The following TMEM132B variants were observed in gnomAD, a reference collection of about 807,000 sequenced individuals.
The protein encoded by TMEM132B is transmembrane protein 132B.
TMEM132B carries 18 observed loss-of-function variants against 90.8 expected under a neutral mutation model. That is an observed-to-expected ratio of 0.20 (90% CI 0.14 to 0.29). The LOEUF (loss-of-function observed/expected upper bound fraction) is 0.29. TMEM132B is among the 10% of genes least tolerant of loss of function. The pLI is 1.00. For missense variants in TMEM132B, 1,096 were observed against 1,326.8 expected, an observed-to-expected ratio of 0.83 and a Z score of 2.70; for synonymous variants, 504 against 523.3, an observed-to-expected ratio of 0.96 and a Z score of 0.50.
intron 4 of TMEM132B, among the ~76,000 whole-genome samples, chr12:125,531,635 G>A (rs894563180): frequency 7.2e-5 from 11 of 152,214 alleles, no homozygotes; most frequent in African/African-American, 2.7e-4. Flanking sequence ...AGAATAGACT[G>A]AAGGTTTCTG....
At chr12:125,630,730 T>G (rs1886349919) in intron 5 of TMEM132B, among the ~76,000 whole-genome samples, 1 of 152,052 alleles carries the variant, frequency 6.6e-6, no homozygotes, top group African/African-American at 2.4e-5. Flanking sequence ...TCTGCTCCTC[T>G]TCCTCCTCCC....
At chr12:125,256,093 CTGT>C (rs1288006219) in intron 1 of TMEM132B, among the ~76,000 whole-genome samples, 2 of 152,272 alleles carry the variant, frequency 1.3e-5, no homozygotes, top group East Asian at 3.9e-4. Context: ...GTCCTGGCCC[CTGT>C]CATCAAACTC....
intron 5 of TMEM132B, among the ~76,000 whole-genome samples, chr12:125,643,243 T>A (rs1191893211): frequency 6.6e-6 from 1 of 152,200 alleles, no homozygotes; most frequent in Non-Finnish European, 1.5e-5. Flanking sequence ...ACACTGCCCC[T>A]CAGCAGTATG....
At chr12:125,484,612 G>A (rs1331462343) in intron 3 of TMEM132B, among the ~76,000 whole-genome samples, 1 of 152,056 alleles carries the variant, frequency 6.6e-6, no homozygotes, top group African/African-American at 2.4e-5. Flanking sequence ...TGGTCTCTAT[G>A]TTGTTTCTGA....
At chr12:125,215,698 C>T (rs975209862) in intron 1 of TMEM132B, among the ~76,000 whole-genome samples, 2 of 152,182 alleles carry the variant, frequency 1.3e-5, no homozygotes, top group Admixed American at 6.5e-5. Flanking sequence ...TGCGCCACCA[C>T]GCCTAGAGGA....
At chr12:125,196,639 G>A (rs1219108348) in intron 1 of TMEM132B, among the ~76,000 whole-genome samples, 1 of 152,198 alleles carries the variant, frequency 6.6e-6, no homozygotes, top group Non-Finnish European at 1.5e-5. Context: ...AGCCTGGGAG[G>A]CAGAGTTGCA....
intron 1 of TMEM132B, among the ~76,000 whole-genome samples, chr12:125,317,695 C>T (rs964223479): frequency 2.6e-5 from 4 of 152,182 alleles, no homozygotes; most frequent in African/African-American, 7.2e-5. Context: ...GGGCTTTCAC[C>T]TGGAGCCTTC....
chr12:125,451,045 A>C (rs1385171747), intron 3 of TMEM132B, among the ~76,000 whole-genome samples: 1 of 152,206 alleles, frequency 6.6e-6, no homozygotes, highest in African/African-American at 2.4e-5. Context: ...CTTAAAAAAC[A>C]AAGACAGACT....
intron 2 of TMEM132B, among the ~76,000 whole-genome samples, chr12:125,368,471 T>TTA (rs1878197138): frequency 6.6e-6 from 1 of 152,254 alleles, no homozygotes; most frequent in African/African-American, 2.4e-5. Context: ...CTATGTGATA[T>TTA]TATGTACACA....
rs532155931 is a variant in TMEM132B, at chr12:125,273,347, G to T, written c.68-76105G>T. 2.6e-5 allele frequency among the ~76,000 whole-genome samples: 4 copies of T among 152,294 alleles called. No homozygotes were observed. In the South Asian group the frequency reaches 8.3e-4, roughly 32 times the overall value. On this transcript the variant is annotated intron_variant, in intron 1 of 8. Coordinates refer to ENST00000682704, the MANE Select transcript of TMEM132B (RefSeq NM_001366854.1). ...CATGCCTGTAATCCCAGCACTTTGG[G>T]TGGCCGAGGTGGGAGGATCTCTTGA...
At chr12:125,372,995 C>T (rs1373472328) in intron 2 of TMEM132B, among the ~76,000 whole-genome samples, 1 of 152,216 alleles carries the variant, frequency 6.6e-6, no homozygotes, top group Non-Finnish European at 1.5e-5. Flanking sequence ...TCCCCTTTTC[C>T]CCGACCATCC....
chr12:125,644,852 G>T (rs1886720748), intron 6 of TMEM132B, among the ~76,000 whole-genome samples: 1 of 152,088 alleles, frequency 6.6e-6, no homozygotes, highest in Admixed American at 6.5e-5. Flanking sequence ...CTCTTTCTCA[G>T]TTTCCTCATC....
intron 1 of TMEM132B, among the ~76,000 whole-genome samples, chr12:125,332,301 G>T (rs971761300): frequency 6.6e-6 from 1 of 152,110 alleles, no homozygotes; most frequent in African/African-American, 2.4e-5. Context: ...TTTATGTATT[G>T]GATGCTACTG....
chr12:125,262,131 G>A (rs1017781259), intron 1 of TMEM132B, among the ~76,000 whole-genome samples: 7 of 151,998 alleles, frequency 4.6e-5, no homozygotes, highest in Non-Finnish European at 8.8e-5. Flanking sequence ...AATATTGACT[G>A]GGCACAGTGG....
At chr12:125,591,008 C>T (rs1204324731) in intron 5 of TMEM132B, among the ~76,000 whole-genome samples, 5 of 151,706 alleles carry the variant, frequency 3.3e-5, no homozygotes, top group African/African-American at 9.7e-5. Context: ...TGTGTGTACG[C>T]ATGCACGCCC....
At chr12:125,512,561 G>A (rs1362811514) in intron 3 of TMEM132B, among the ~76,000 whole-genome samples, 1 of 152,164 alleles carries the variant, frequency 6.6e-6, no homozygotes, top group Non-Finnish European at 1.5e-5. Flanking sequence ...AAAGTTCTGT[G>A]TAGCAATTTG....
At chr12:125,453,064 GCATTTCAGTAAAACACA>G (rs1881196800) in intron 3 of TMEM132B, among the ~76,000 whole-genome samples, 1 of 144,920 alleles carries the variant, frequency 6.9e-6, no homozygotes, top group Non-Finnish European at 1.5e-5. Context: ...TTTGTTTTTT[GCATTTCAGTAAAACACA>G]CACACACACA....
rs1881410590 is a variant in TMEM132B at position 125,460,560 on chromosome 12, A to G, written c.1106+44883A>G. On this transcript the variant is annotated intron_variant, in intron 3 of 8. Coordinates refer to ENST00000682704, the MANE Select transcript of TMEM132B (RefSeq NM_001366854.1). The surrounding 1 kb of genome is among the most constrained non-coding windows in gnomAD (Gnocchi z 4.4). Reference sequence around the variant, plus strand: ...ACATCTTAATTTTCGTTCTTAAGCTAAAGAAATCATCTCTCCTTCAGTCCA... The same window carrying G: ...ACATCTTAATTTTCGTTCTTAAGCTGAAGAAATCATCTCTCCTTCAGTCCA... Among the ~76,000 whole-genome samples the G allele has an allele frequency of 6.6e-6, 1 of 152,220 alleles. No homozygotes were observed. Among genetic ancestry groups the G allele is most frequent in the Non-Finnish European group, 1.5e-5 (1 of 68,036 alleles).
At chr12:125,194,164 A>G (rs1872868604) in intron 1 of TMEM132B, among the ~76,000 whole-genome samples, 1 of 152,128 alleles carries the variant, frequency 6.6e-6, no homozygotes, top group Non-Finnish European at 1.5e-5. Flanking sequence ...CGGCCCTAAA[A>G]TAGTTACATA....
Sources: gnomAD v4.1 joint callset for allele counts (sites outside exome capture counted in the v4.1 genomes callset) on GRCh38, gnomAD v4.1.1 for gene constraint, Gnocchi (gnomAD v3.1) non-coding constraint, MANE v1.5 for transcripts, NCBI Gene and HGNC (gene_info 2026-07-23, HGNC 2026-07-21) for gene names.